Variants in LRRC7 observed in about 807,000 individuals in gnomAD.
LRRC7 encodes the protein leucine rich repeat containing 7.
LRRC7 carries 23 observed loss-of-function variants against 175.7 expected under a neutral mutation model. The observed-to-expected ratio is 0.13, with a 90% confidence interval of 0.09 to 0.19. The LOEUF is 0.19. Among genes scored for constraint, LRRC7 ranks in the 10% least tolerant of loss-of-function variants. The probability of loss-of-function intolerance (pLI) is 1.00; values close to 1 mark genes in which losing one functional copy is unlikely to be tolerated. For synonymous variants in LRRC7, 685 were observed against 680.9 expected (o/e 1.01, Z -0.09); for missense variants, 1,354 against 1,904.7 (o/e 0.71, Z 5.38).
At chr1:69,626,522 TTAGTG>T (rs1288982063) in intron 1 of LRRC7, among the ~76,000 whole-genome samples, 1 of 152,002 alleles carries the variant, frequency 6.6e-6, no homozygotes, top group African/African-American at 2.4e-5. Flanking sequence ...AAGTTTCACT[TTAGTG>T]TAGACATTTC....
At position 69,650,561 on chromosome 1, in the gene LRRC7, G is replaced by A. The variant is rs572845716; in HGVS notation, c.3-27820G>A. On this transcript the variant is annotated intron_variant, in intron 1 of 26. Transcript: ENST00000651989. Reference sequence around the variant, plus strand: ...TCTCAAAAAAAAAAAAAAATGCCAAGCATCTTTGGCATTTGTTACACAAGA... The same window carrying A: ...TCTCAAAAAAAAAAAAAAATGCCAAACATCTTTGGCATTTGTTACACAAGA... 1.4e-3 allele frequency among the ~76,000 whole-genome samples: 133 copies of A among 98,410 alleles called. 1 individual carries two copies. Among genetic ancestry groups the A allele is most frequent in the African/African-American group, 4.9e-3 (119 of 24,226 alleles). The allele number at this position is 98,410 out of a possible 152,430, so 64.6% of individuals were successfully genotyped here. A position where few individuals can be genotyped will look rare whatever the true frequency, so the allele number is the denominator to read the frequency against.
intron 25 of LRRC7, among the ~76,000 whole-genome samples, chr1:70,104,007 G>A (rs1664978571): frequency 6.6e-6 from 1 of 152,124 alleles, no homozygotes; most frequent in Non-Finnish European, 1.5e-5. Flanking sequence ...TCTGCCAAAT[G>A]TTATAAGAAA....
intron 4 of LRRC7, among the ~76,000 whole-genome samples, chr1:69,817,627 C>T (rs889114293): frequency 5.9e-5 from 9 of 151,978 alleles, no homozygotes; most frequent in African/African-American, 2.2e-4. Context: ...TTTGTGATTT[C>T]ATATAAATTT....
intron 1 of LRRC7, among the ~76,000 whole-genome samples, chr1:69,614,728 A>G (rs945703437): frequency 1.3e-5 from 2 of 152,120 alleles, no homozygotes; most frequent in Admixed American, 1.3e-4. Context: ...ACAAAAATTT[A>G]ACAACATGTG....
At chr1:69,582,675 G>A (rs899132512) in intron 1 of LRRC7, among the ~76,000 whole-genome samples, 5 of 152,158 alleles carry the variant, frequency 3.3e-5, no homozygotes, top group African/African-American at 1.2e-4. Flanking sequence ...TTCTTTGGTA[G>A]TAGTTTAGCA....
intron 1 of LRRC7, among the ~76,000 whole-genome samples, chr1:69,583,101 T>C (rs1045032982): frequency 5.3e-5 from 8 of 151,914 alleles, no homozygotes; most frequent in Non-Finnish European, 1.0e-4. Context: ...TTTTATAATA[T>C]CTGGAGGATT....
chr1:69,625,515 T>C (rs1183383916), intron 1 of LRRC7, among the ~76,000 whole-genome samples: 1 of 138,874 alleles, frequency 7.2e-6, no homozygotes, highest in Non-Finnish European at 1.6e-5. Flanking sequence ...CCTATATTTT[T>C]AGATGTTTAA....
chr1:70,092,332 G>A (rs2102174066), intron 25 of LRRC7, among the ~76,000 whole-genome samples: 2 of 152,206 alleles, frequency 1.3e-5, no homozygotes, highest in South Asian at 4.2e-4. Context: ...GACTTATAAG[G>A]AGTCTAGTCA....
intron 7 of LRRC7, among the ~76,000 whole-genome samples, chr1:69,929,112 A>G (rs1262240015): frequency 6.6e-6 from 1 of 152,112 alleles, no homozygotes; most frequent in Non-Finnish European, 1.5e-5. Flanking sequence ...TTGGTGATCT[A>G]TATTCTCAAG....
At chr1:69,693,064 G>T (rs937178030) in intron 2 of LRRC7, among the ~76,000 whole-genome samples, 2 of 152,078 alleles carry the variant, frequency 1.3e-5, no homozygotes, top group Non-Finnish European at 2.9e-5. Context: ...TGTTGGTTCC[G>T]TGTCTCGCAT....
At chr1:69,702,345 A>G (rs939897495) in intron 2 of LRRC7, among the ~76,000 whole-genome samples, 14 of 152,210 alleles carry the variant, frequency 9.2e-5, no homozygotes, top group Admixed American at 2.6e-4. Context: ...AGCACTGCAG[A>G]TGACAGTAAA....
At chr1:69,816,975 C>T (rs1012067220) in intron 4 of LRRC7, among the ~76,000 whole-genome samples, 6 of 152,006 alleles carry the variant, frequency 3.9e-5, no homozygotes, top group Non-Finnish European at 1.5e-5. Context: ...GGAGGATTTG[C>T]TTATGCTTTA....
At chr1:69,574,614 A>G (rs576393832) in intron 1 of LRRC7, among the ~76,000 whole-genome samples, 2 of 152,340 alleles carry the variant, frequency 1.3e-5, no homozygotes, top group East Asian at 3.9e-4. Flanking sequence ...TTAATATGTC[A>G]CAGATGGCGT....
chr1:69,929,618 A>G (rs747083834), intron 7 of LRRC7, among the ~76,000 whole-genome samples: 3 of 152,214 alleles, frequency 2.0e-5, no homozygotes, highest in Non-Finnish European at 4.4e-5. Flanking sequence ...AAGAAGTAAA[A>G]TAGATTCAGT....
chr1:69,834,482 T>C (rs1680887559), intron 5 of LRRC7, among the ~76,000 whole-genome samples: 1 of 152,174 alleles, frequency 6.6e-6, no homozygotes, highest in South Asian at 2.1e-4. Flanking sequence ...AAAAATGTCC[T>C]GGCTAGCGTG....
intron 8 of LRRC7, among the ~76,000 whole-genome samples, chr1:69,972,023 A>C (rs889707574): frequency 7.9e-5 from 12 of 152,206 alleles, no homozygotes; most frequent in Non-Finnish European, 1.3e-4. Flanking sequence ...AAAGTGGAGA[A>C]AGGACACCTT....
At chr1:69,863,540 C>T (rs1684591847) in intron 7 of LRRC7, among the ~76,000 whole-genome samples, 1 of 152,144 alleles carries the variant, frequency 6.6e-6, no homozygotes, top group Admixed American at 6.5e-5. Context: ...TTAGACATTT[C>T]TATGCCCCGC....
At chr1:69,634,737 T>C (rs1347487158) in intron 1 of LRRC7, among the ~76,000 whole-genome samples, 1 of 152,098 alleles carries the variant, frequency 6.6e-6, no homozygotes. Context: ...TAGGGTACTT[T>C]GGACATGGCA....
chr1:69,643,732 T>A (rs1557533950), intron 1 of LRRC7, among the ~76,000 whole-genome samples: 1 of 152,114 alleles, frequency 6.6e-6, no homozygotes, highest in Admixed American at 6.6e-5. Flanking sequence ...CAGATTACTA[T>A]AGGAAGTTGA....
Sources: allele counts gnomAD v4.1 joint callset (sites outside exome capture counted in the v4.1 genomes callset), GRCh38; gene constraint gnomAD v4.1.1; transcripts MANE v1.5; gene names NCBI Gene and HGNC (gene_info 2026-07-23, HGNC 2026-07-21).